The following RBFOX1 variants were observed in gnomAD, a reference collection of about 807,000 sequenced individuals.
RBFOX1 encodes the protein RNA binding protein fox-1 homolog 1.
In RBFOX1, 8 loss-of-function variants were observed where a neutral mutation model predicts 57.7. The ratio of observed to expected loss-of-function variants is 0.14; its 90% CI spans 0.08 to 0.25. RBFOX1 has a LOEUF of 0.25. Among genes scored for constraint, RBFOX1 ranks in the 10% least tolerant of loss-of-function variants. The pLI, the probability that RBFOX1 is intolerant of heterozygous loss-of-function variation, is 1.00. For missense variants in RBFOX1, 611 were observed against 548.5 expected (o/e 1.11, Z -1.14); for synonymous variants, 326 against 222.4 (o/e 1.47, Z -4.15).
chr16:6,807,195 G>C (rs1401292986), intron 3 of RBFOX1, among the ~76,000 whole-genome samples: 1 of 152,012 alleles, frequency 6.6e-6, no homozygotes, highest in Non-Finnish European at 1.5e-5. Context: ...AGATTGGACA[G>C]GGAGACCAGT....
intron 4 of RBFOX1, among the ~76,000 whole-genome samples, chr16:7,094,185 G>A (rs188445956): frequency 2.0e-4 from 31 of 151,708 alleles, no homozygotes; most frequent in African/African-American, 6.0e-4. Context: ...CAAATGATGC[G>A]GGTTTGAAAG....
intron 2 of RBFOX1, among the ~76,000 whole-genome samples, chr16:6,501,131 CTTT>C (rs1003003339): frequency 1.9e-5 from 2 of 107,914 alleles, no homozygotes; most frequent in African/African-American, 3.6e-5. Flanking sequence ...GTTAAACATT[CTTT>C]TTTTTTTTTT....
intron 2 of RBFOX1, among the ~76,000 whole-genome samples, chr16:6,609,737 T>C (rs2098012264): frequency 6.6e-6 from 1 of 152,106 alleles, no homozygotes; most frequent in South Asian, 2.1e-4. Flanking sequence ...GGGTCAGGCA[T>C]GGTGAATCAG....
At chr16:5,768,412 C>G (rs2053861862) in intron 3 of RBFOX1, among the ~76,000 whole-genome samples, 1 of 152,134 alleles carries the variant, frequency 6.6e-6, no homozygotes. Context: ...TCAACATGAC[C>G]TCACTGTTTA....
chr16:7,357,607 T>C (rs923131284), intron 4 of RBFOX1, among the ~76,000 whole-genome samples: 5 of 152,192 alleles, frequency 3.3e-5, no homozygotes, highest in African/African-American at 4.8e-5. Context: ...TTCACCCATC[T>C]TCCTGGACTC....
chr16:7,218,055 G>A (rs2092384528), intron 4 of RBFOX1, among the ~76,000 whole-genome samples: 1 of 135,204 alleles, frequency 7.4e-6, no homozygotes, highest in Non-Finnish European at 1.5e-5. Context: ...GCATTTGCAT[G>A]CGTGTGCGTG....
intron 3 of RBFOX1, among the ~76,000 whole-genome samples, chr16:7,031,877 C>A (rs560044912): frequency 7.2e-5 from 11 of 152,148 alleles, no homozygotes; most frequent in Non-Finnish European, 2.9e-5. Context: ...CACTACCTTG[C>A]CTTCTAACTG....
intron 4 of RBFOX1, among the ~76,000 whole-genome samples, chr16:7,166,865 G>C (rs9926694): frequency 0.22 from 33,656 of 151,466 alleles, 4,638 homozygotes; most frequent in East Asian, 0.38. Context: ...CAGGATCCAC[G>C]CTGGGGACTG....
At chr16:6,382,749 A>G (rs781036521) in intron 2 of RBFOX1, among the ~76,000 whole-genome samples, 1 of 152,106 alleles carries the variant, frequency 6.6e-6, no homozygotes, top group Non-Finnish European at 1.5e-5. Flanking sequence ...AATCCCAGCT[A>G]CTTGGGAGGC....
intron 3 of RBFOX1, among the ~76,000 whole-genome samples, chr16:6,980,710 A>T (rs372997329): frequency 6.6e-6 from 1 of 152,140 alleles, no homozygotes; most frequent in East Asian, 1.9e-4. Context: ...GGAGGGAGCA[A>T]TGTCATCAAA....
intron 3 of RBFOX1, among the ~76,000 whole-genome samples, chr16:6,882,268 A>G (rs34000087): frequency 0.25 from 38,523 of 151,976 alleles, 5,122 homozygotes; most frequent in African/African-American, 0.32. Flanking sequence ...CTTGGAGAGA[A>G]CAGAGGATGA....
intron 1 of RBFOX1, among the ~76,000 whole-genome samples, chr16:6,299,354 C>A (rs890590467): frequency 6.6e-6 from 1 of 152,162 alleles, no homozygotes; most frequent in Non-Finnish European, 1.5e-5. Flanking sequence ...AGATCTAATT[C>A]TTTTAAATTC....
intron 3 of RBFOX1, among the ~76,000 whole-genome samples, chr16:6,664,931 C>G (rs925889024): frequency 2.0e-5 from 3 of 152,178 alleles, no homozygotes; most frequent in Non-Finnish European, 2.9e-5. Flanking sequence ...GTCTATAAAA[C>G]AGGGACAGAC....
At chr16:7,161,654 G>C (rs542627702) in intron 4 of RBFOX1, among the ~76,000 whole-genome samples, 2 of 152,276 alleles carry the variant, frequency 1.3e-5, no homozygotes, top group South Asian at 4.2e-4. Context: ...GTAAGGAAGA[G>C]GATCAGGTTC....
At chr16:6,826,921 C>T (rs1328792376) in intron 3 of RBFOX1, among the ~76,000 whole-genome samples, 1 of 152,104 alleles carries the variant, frequency 6.6e-6, no homozygotes, top group Non-Finnish European at 1.5e-5. Context: ...CTCTGATGTT[C>T]CATTTTTTGT....
At chr16:7,567,666 C>T (rs934592079) in intron 5 of RBFOX1, among the ~76,000 whole-genome samples, 3 of 123,546 alleles carry the variant, frequency 2.4e-5, no homozygotes, top group African/African-American at 9.2e-5. Context: ...TATATATATC[C>T]CTATATATGG....
intron 4 of RBFOX1, among the ~76,000 whole-genome samples, chr16:5,993,996 G>A (rs182634337): frequency 6.6e-6 from 1 of 152,274 alleles, no homozygotes; most frequent in Admixed American, 6.5e-5. Flanking sequence ...CGGTTCCTCT[G>A]AAAGCATGAC....
intron 3 of RBFOX1, among the ~76,000 whole-genome samples, chr16:6,770,208 C>A (rs1603618735): frequency 6.6e-6 from 1 of 152,260 alleles, no homozygotes; most frequent in South Asian, 2.1e-4. Flanking sequence ...TGGGTGAGAA[C>A]TACAGAATTT....
chr16:7,055,963 A>G (rs1022644092), intron 4 of RBFOX1, among the ~76,000 whole-genome samples: 8 of 152,114 alleles, frequency 5.3e-5, no homozygotes, highest in African/African-American at 1.2e-4. Context: ...CCAACATTGA[A>G]TCTCACAGGT....
Sources: gnomAD v4.1 joint callset for allele counts (sites outside exome capture counted in the v4.1 genomes callset) on GRCh38, gnomAD v4.1.1 for gene constraint, MANE v1.5 for transcripts, NCBI Gene and HGNC (gene_info 2026-07-23, HGNC 2026-07-21) for gene names.